Variants in DGKZ observed in about 807,000 individuals in gnomAD.
DGKZ encodes the protein diacylglycerol kinase zeta.
In DGKZ, 45 loss-of-function variants were observed where a neutral mutation model predicts 142.5. That is an observed-to-expected ratio of 0.32 (90% confidence interval 0.25 to 0.40). The LOEUF is 0.40. Ranked by LOEUF, DGKZ falls within the 10% of genes least tolerant of loss-of-function variation. DGKZ has a pLI of 1.00. For missense variants in DGKZ, 755 were observed against 1,306.5 expected, an observed-to-expected ratio of 0.58 and a Z score of 6.51; for synonymous variants, 442 against 527.0, an observed-to-expected ratio of 0.84 and a Z score of 2.21.
At chr11:46,336,153 G>C (rs868105102) in intron 1 of DGKZ, among the ~76,000 whole-genome samples, 3 of 152,262 alleles carry the variant, frequency 2.0e-5, no homozygotes, top group South Asian at 2.1e-4. Context: ...CGTAAGTGAG[G>C]ACGGGGGCTT....
chr11:46,333,236 C>G (rs1462313933), exon 1 of DGKZ: 19 of 1,242,012 alleles, frequency 1.5e-5, no homozygotes, highest in Non-Finnish European at 1.9e-5. Flanking sequence ...AGCGGGTGCC[C>G]GAAAGGCCGC....
chr11:46,349,215 A>C (rs888059551), intron 1 of DGKZ, among the ~76,000 whole-genome samples: 1 of 152,208 alleles, frequency 6.6e-6, no homozygotes, highest in African/African-American at 2.4e-5. Flanking sequence ...CTTCAATGTC[A>C]TATAAAACAG....
At chr11:46,378,922 CA>C in intron 27 of DGKZ, 68 bp from the exon 28 acceptor site, 1 of 1,495,716 alleles carries the variant, frequency 6.7e-7, no homozygotes, top group African/African-American at 1.4e-5. Context: ...GGCTGTGGGC[CA>C]GCGTGTGAGC....
At chr11:46,358,583 ATCACTTT>A (rs1438106617) in intron 1 of DGKZ, among the ~76,000 whole-genome samples, 2 of 152,242 alleles carry the variant, frequency 1.3e-5, no homozygotes, top group Admixed American at 6.5e-5. Flanking sequence ...CTGTAATCCT[ATCACTTT>A]GGGAGGCCAA....
intron 1 of DGKZ, among the ~76,000 whole-genome samples, chr11:46,350,643 T>C (rs1052097314): frequency 1.6e-4 from 24 of 152,234 alleles, no homozygotes; most frequent in African/African-American, 5.3e-4. Flanking sequence ...TGGGGAGAGT[T>C]CCATGAACAA....
upstream of DGKZ, chr11:46,345,605 T>A: frequency 6.7e-7 from 1 of 1,491,972 alleles, no homozygotes. The surrounding 1 kb of genome is among the most constrained non-coding windows in gnomAD (Gnocchi z 4.1). Flanking sequence ...AGGGGTGGCC[T>A]GGGAGTGGGC....
chr11:46,345,233 C>G, upstream of DGKZ: 2 of 1,347,040 alleles, frequency 1.5e-6, no homozygotes, highest in Non-Finnish European at 1.9e-6. The surrounding 1 kb of genome is among the most constrained non-coding windows in gnomAD (Gnocchi z 4.1). Context: ...TTGTCCCCAC[C>G]TGCCCCTTGC....
chr11:46,365,860 G>C (rs1943187280), intron 1 of DGKZ: 1 of 985,308 alleles, frequency 1.0e-6, no homozygotes, highest in South Asian at 4.7e-5. Flanking sequence ...TTTTCCATCA[G>C]CTTCCGGCAG....
intron 1 of DGKZ, chr11:46,365,428 A>C: frequency 1.0e-6 from 1 of 985,394 alleles, no homozygotes; most frequent in Non-Finnish European, 1.2e-6. Flanking sequence ...TCAGACATAC[A>C]GGCACGCACA....
At chr11:46,343,218 C>G (rs1299853806), upstream of DGKZ, among the ~76,000 whole-genome samples, 2 of 152,148 alleles carry the variant, frequency 1.3e-5, no homozygotes, top group Admixed American at 1.3e-4. Context: ...GTTACATATT[C>G]AGTAAGATTT....
chr11:46,364,355 C>G, intron 1 of DGKZ: 1 of 1,288,834 alleles, frequency 7.8e-7, no homozygotes, highest in Non-Finnish European at 1.0e-6. Flanking sequence ...AGCACAGTGC[C>G]TGACACATAG....
chr11:46,354,900 G>A (rs932167394), intron 1 of DGKZ, among the ~76,000 whole-genome samples: 3 of 152,150 alleles, frequency 2.0e-5, no homozygotes, highest in Admixed American at 6.5e-5. Flanking sequence ...CTCCACGTCC[G>A]ATTCCATTGT....
intron 1 of DGKZ, chr11:46,338,834 T>C (rs1940141721): frequency 6.6e-6 from 1 of 152,260 alleles, no homozygotes; most frequent in Admixed American, 6.5e-5. Flanking sequence ...TTATCAAGAA[T>C]GTGGCTGGGA....
At chr11:46,365,378 CA>C in intron 1 of DGKZ, 1 of 985,448 alleles carries the variant, frequency 1.0e-6, no homozygotes, top group Non-Finnish European at 1.2e-6. Flanking sequence ...AAAGGTGAGA[CA>C]GAGCAGTCGA....
exon 1 of DGKZ, chr11:46,333,056 C>G (rs1209268228): frequency 2.8e-6 from 1 of 362,494 alleles, no homozygotes; most frequent in Non-Finnish European, 4.8e-6. Context: ...GGAGCCCCCG[C>G]CCCCCCGGAG....
At chr11:46,366,906 T>TG (rs752823402) in intron 1 of DGKZ, 1 of 1,547,350 alleles carries the variant, frequency 6.5e-7, no homozygotes, top group Non-Finnish European at 8.7e-7. Context: ...CCCACCCGTG[T>TG]GCGCCCACTG....
chr11:46,372,439 C>T lies in DGKZ; in HGVS notation c.939C>T (p.Ile313=). ...CCCATCCCATCCAGGGTGCAAAGATCATCCAGTCTTTCCTCTGGTATCTCA... is the reference window on the plus strand; with the variant it reads ...CCCATCCCATCCAGGGTGCAAAGATTATCCAGTCTTTCCTCTGGTATCTCA... Residue 313 remains isoleucine, a synonymous_variant, in exon 11 of 31, where the codon ATC becomes ATT. Transcript: ENST00000527911. The surrounding 1 kb of genome is among the most constrained non-coding windows in gnomAD (Gnocchi z 5.9). The T allele has an allele frequency of 6.2e-7, 1 of 1,614,032 alleles. No homozygotes were observed. Among genetic ancestry groups the T allele is most frequent in the Non-Finnish European group, 8.5e-7 (1 of 1,179,990 alleles).
upstream of DGKZ, chr11:46,347,305 C>T (rs945397381): frequency 9.8e-5 from 97 of 984,978 alleles, no homozygotes; most frequent in Middle Eastern, 1.6e-3. This position sits in a 1 kb window ranked among gnomAD's most constrained non-coding sequence, Gnocchi z 6.4. Context: ...GCCCATTCGT[C>T]GCCCCGCCCC....
chr11:46,378,847 C>A, intron 27 of DGKZ, 144 bp from the exon 28 acceptor site: 1 of 1,338,852 alleles, frequency 7.5e-7, no homozygotes, highest in Non-Finnish European at 1.0e-6. Context: ...CCAGAGAGAC[C>A]CACAGAGGCA....
Sources: allele counts gnomAD v4.1 joint callset (sites outside exome capture counted in the v4.1 genomes callset), GRCh38; gene constraint gnomAD v4.1.1; non-coding constraint Gnocchi (gnomAD v3.1); transcripts MANE v1.5; gene names NCBI Gene and HGNC (gene_info 2026-07-23, HGNC 2026-07-21).